ADAM12: variants seen among roughly 807,000 people sequenced by gnomAD.
ADAM12 encodes the protein ADAM metallopeptidase domain 12.
A neutral mutation model predicts 106.4 loss-of-function variants in ADAM12; 70 were observed. The observed-to-expected ratio is 0.66, with a 90% CI of 0.54 to 0.80. The LOEUF (loss-of-function observed/expected upper bound fraction) is 0.80. ADAM12 is among the 30% of genes least tolerant of loss of function. The pLI is 0.00. For synonymous variants in ADAM12, 420 were observed against 433.5 expected (o/e 0.97, Z 0.39); for missense variants, 1,010 against 1,171.9 (o/e 0.86, Z 2.02).
intron 3 of ADAM12, among the ~76,000 whole-genome samples, chr10:126,257,996 C>G (rs535789029): frequency 1.3e-5 from 2 of 152,284 alleles, no homozygotes; most frequent in South Asian, 4.1e-4. Context: ...TCAATTTTCA[C>G]AATGAGAAGA....
Position 126,066,667 on chromosome 10 carries a change from C to G in ADAM12, c.1413+50G>C. The G allele has an allele frequency of 6.4e-7, 1 of 1,569,940 alleles. No individual in the cohort carries two copies. The highest frequency in any genetic ancestry group is 8.8e-7 in the Non-Finnish European group (1 of 1,140,080). On this transcript the variant is annotated intron_variant, in intron 13 of 22. Coordinates refer to ENST00000448723, the MANE Select transcript of ADAM12 (RefSeq NM_001288973.2). The surrounding 1 kb of genome is among the most constrained non-coding windows in gnomAD (Gnocchi z 5.1). ...CTTGCCCTGCATCAGATCTGAACCA[C>G]CTGAACCTGTTGGCGACCTGGGGGT...
At chr10:126,112,442 C>T (rs1270556570) in intron 6 of ADAM12, among the ~76,000 whole-genome samples, 2 of 151,894 alleles carry the variant, frequency 1.3e-5, no homozygotes, top group East Asian at 1.9e-4. Context: ...GAACAAAAGC[C>T]CTTCCTCAAA....
At chr10:126,322,788 A>G (rs1854149436) in intron 2 of ADAM12, among the ~76,000 whole-genome samples, 1 of 152,226 alleles carries the variant, frequency 6.6e-6, no homozygotes, top group Non-Finnish European at 1.5e-5. Flanking sequence ...AGGTTCCAAC[A>G]TCCACGGTTC....
chr10:126,128,575 A>G (rs944978036), intron 5 of ADAM12, among the ~76,000 whole-genome samples: 3 of 141,288 alleles, frequency 2.1e-5, no homozygotes, highest in Non-Finnish European at 3.1e-5. Context: ...GCGCCTGTGC[A>G]TGTCAGTGTG....
intron 4 of ADAM12, among the ~76,000 whole-genome samples, chr10:126,148,258 G>A (rs1380474936): frequency 1.3e-5 from 2 of 152,192 alleles, no homozygotes; most frequent in Admixed American, 1.3e-4. Flanking sequence ...ACAAAAAGTG[G>A]TTCTTATTTT....
chr10:126,342,908 A>C (rs1854984619), intron 1 of ADAM12, among the ~76,000 whole-genome samples: 2 of 117,144 alleles, frequency 1.7e-5, no homozygotes, highest in South Asian at 6.2e-4. Context: ...TGAGGGCTGG[A>C]GGGAGGGTGG....
chr10:126,187,777 A>C (rs983132502), intron 3 of ADAM12, among the ~76,000 whole-genome samples: 1 of 152,304 alleles, frequency 6.6e-6, no homozygotes, highest in South Asian at 2.1e-4. Flanking sequence ...ATCTTGCTGG[A>C]ATTACTTGAT....
chr10:126,051,491 GTCCATCCACCCGTCCA>G (rs796166388), intron 14 of ADAM12, among the ~76,000 whole-genome samples: 17 of 80,596 alleles, frequency 2.1e-4, no homozygotes, highest in South Asian at 4.3e-4. Context: ...CCAGCCACCC[GTCCATCCACCCGTCCA>G]TCCATCCATC....
chr10:126,159,368 G>A (rs1477262895), intron 3 of ADAM12, among the ~76,000 whole-genome samples: 1 of 147,824 alleles, frequency 6.8e-6, no homozygotes, highest in Non-Finnish European at 1.5e-5. Flanking sequence ...TACAGAGAAA[G>A]GAAAGGAAGA....
chr10:126,367,957 CAAT>C (rs973839662), intron 1 of ADAM12, among the ~76,000 whole-genome samples: 2 of 151,620 alleles, frequency 1.3e-5, no homozygotes, highest in African/African-American at 2.4e-5. Flanking sequence ...CAAAACTAGA[CAAT>C]AATATAATAA....
At chr10:126,148,632 G>A (rs1263309535) in intron 4 of ADAM12, among the ~76,000 whole-genome samples, 1 of 152,200 alleles carries the variant, frequency 6.6e-6, no homozygotes, top group African/African-American at 2.4e-5. Flanking sequence ...TGTGCTTGAT[G>A]CTTCTGGAGA....
chr10:126,205,608 TCC>T (rs1957780963), intron 3 of ADAM12, among the ~76,000 whole-genome samples: 1 of 152,244 alleles, frequency 6.6e-6, no homozygotes, highest in Non-Finnish European at 1.5e-5. Flanking sequence ...GGGACAGGCT[TCC>T]ACAGGACAAG....
At position 126,043,106 on chromosome 10, in the gene ADAM12, C is replaced by T; in HGVS notation, c.2038G>A (p.Ala680Thr). The change falls in exon 18 of 23, where the codon GCA becomes ACA. Residue 680 changes from alanine (A) to threonine (T), a missense_variant. Physicochemically the swap from Ala to Thr is moderately conservative, Grantham distance 58. Transcript: ENST00000448723. This position sits in a 1 kb window ranked among gnomAD's most constrained non-coding sequence, Gnocchi z 4.1. ...RKNCHCEAHW[A>T]PPFCDKFGFG... Reference sequence around the variant, plus strand: ...CCAAACTTGTCACAGAAGGGAGGTGCCCAGTGGGCCTCGCAGTGGCAGTTC... The same window carrying T: ...CCAAACTTGTCACAGAAGGGAGGTGTCCAGTGGGCCTCGCAGTGGCAGTTC... 1 of 1,614,162 alleles carries T rather than the reference C, an allele frequency of 6.2e-7. No individual in the cohort carries two copies. The highest frequency in any genetic ancestry group is 8.5e-7 in the Non-Finnish European group (1 of 1,180,004).
At position 126,045,557 on chromosome 10, in the gene ADAM12, C is replaced by G. The variant is rs558613175; in HGVS notation, c.1995+498G>C. The stretch of plus-strand genomic sequence containing the variant: ...CAAGAAAAATAAATTATGTTTTCAG[C>G]AATTAGAGTCCTCTTCTACCCTAAA... On this transcript the variant is annotated intron_variant, in intron 17 of 22. Coordinates refer to ENST00000448723, the MANE Select transcript of ADAM12 (RefSeq NM_001288973.2). Among the ~76,000 whole-genome samples, 6 of 152,288 alleles carry G rather than the reference C, an allele frequency of 3.9e-5. No homozygotes were observed. In the South Asian group the frequency reaches 6.2e-4, roughly 16 times the overall value.
In ADAM12 at chr10:126,206,860, C is replaced by CGG. The variant is rs907511503; in HGVS notation, c.261-51557_261-51556dup. On this transcript the variant is annotated intron_variant, in intron 3 of 22. Transcript: ENST00000448723. ...CCTGAATTCCCATGTGTTGTGGGGGCGGGGGGGAGCCAGTGGGAGGTAATT... is the reference window on the plus strand; with the variant it reads ...CCTGAATTCCCATGTGTTGTGGGGGCGGGGGGGGGAGCCAGTGGGAGGTAATT... 1.2e-3 allele frequency among the ~76,000 whole-genome samples: 114 copies of CGG among 97,830 alleles called. 7 individuals are homozygous for CGG. The highest frequency in any genetic ancestry group is 3.2e-3 in the African/African-American group (83 of 26,150). 64.2% of individuals were successfully genotyped at this position (97,830 alleles called of 152,430 possible). A position where few individuals can be genotyped will look rare whatever the true frequency, so the allele number is the denominator to read the frequency against.
chr10:126,227,864 A>T lies in ADAM12; in HGVS notation c.260+51051T>A, dbSNP rs530288062. On this transcript the variant is annotated intron_variant, in intron 3 of 22. Transcript: ENST00000448723. ...GAGGCAGAGAGAGAGCTGGGAGTGG[A>T]GAGGACAGTGAGGAGGGAGCTGAGT... Among the ~76,000 whole-genome samples, 12 of 152,304 alleles carry T rather than the reference A, an allele frequency of 7.9e-5. No individual in the cohort carries two copies. In the East Asian group the frequency reaches 2.3e-3, roughly 29 times the overall value.
At chr10:126,286,009 C>T (rs1051846254) in intron 2 of ADAM12, among the ~76,000 whole-genome samples, 3 of 146,566 alleles carry the variant, frequency 2.0e-5, no homozygotes, top group Admixed American at 6.8e-5. Flanking sequence ...CTATCCATGT[C>T]GTGCTACCCT....
At chr10:126,146,503 T>C (rs1009109530) in intron 4 of ADAM12, among the ~76,000 whole-genome samples, 5 of 152,092 alleles carry the variant, frequency 3.3e-5, no homozygotes, top group Admixed American at 1.3e-4. Flanking sequence ...CCAGGACACA[T>C]ATCCCTCCCG....
chr10:126,148,500 T>C lies in ADAM12; in HGVS notation c.339+6727A>G, dbSNP rs141588716. Among the ~76,000 whole-genome samples the C allele has an allele frequency of 1.5e-3, 222 of 152,312 alleles. 1 individual carries two copies. In the East Asian group the frequency reaches 0.037, roughly 25 times the overall value. On this transcript the variant is annotated intron_variant, in intron 4 of 22. Coordinates refer to ENST00000448723, the MANE Select transcript of ADAM12 (RefSeq NM_001288973.2). ...TGTGGGTTTTAATTAGTGAACAACA[T>C]TGTTCACTCCCTGTCTTTACTGTAA... is the stretch of plus-strand genomic sequence containing the variant.
Sources: allele counts gnomAD v4.1 joint callset (sites outside exome capture counted in the v4.1 genomes callset), GRCh38; gene constraint gnomAD v4.1.1; non-coding constraint Gnocchi (gnomAD v3.1); transcripts MANE v1.5; gene names NCBI Gene and HGNC (gene_info 2026-07-23, HGNC 2026-07-21).